The following RNF212 variants were observed in gnomAD, a reference collection of about 807,000 sequenced individuals.
RNF212 encodes the protein probable E3 SUMO-protein ligase RNF212.
A neutral mutation model predicts 34.7 loss-of-function variants in RNF212; 33 were observed. The observed-to-expected ratio is 0.95, with a 90% CI of 0.72 to 1.27. RNF212 has a LOEUF of 1.27. RNF212 is among the 50% of genes most tolerant of loss of function. The probability of loss-of-function intolerance (pLI) is 0.00; values close to 1 mark genes in which losing one functional copy is unlikely to be tolerated. For missense variants in RNF212, 377 were observed against 362.2 expected, an observed-to-expected ratio of 1.04 and a Z score of -0.33; for synonymous variants, 140 against 136.1, an observed-to-expected ratio of 1.03 and a Z score of -0.20.
At chr4:1,093,757 C>T (rs1272568734) in intron 3 of RNF212, 2 of 1,536,080 alleles carry the variant, frequency 1.3e-6, no homozygotes, top group Non-Finnish European at 1.7e-6. Context: ...CCCAAGGGGA[C>T]TTGGTGTGAA....
intron 2 of RNF212, among the ~76,000 whole-genome samples, chr4:1,105,734 T>A (rs1189533175): frequency 1.2e-5 from 1 of 83,478 alleles, no homozygotes. Context: ...GCTGGCATAA[T>A]ATAAAGCGTC....
intron 2 of RNF212, chr4:1,100,958 G>C (rs995208118): frequency 5.6e-6 from 1 of 177,774 alleles, no homozygotes; most frequent in Non-Finnish European, 1.3e-5. Context: ...GGAATTCTGC[G>C]GCTGAAATCA....
chr4:1,088,775 G>A (rs1233197317), intron 4 of RNF212, among the ~76,000 whole-genome samples: 4 of 152,248 alleles, frequency 2.6e-5, no homozygotes, highest in Non-Finnish European at 2.9e-5. Flanking sequence ...TCTGGCTCCA[G>A]CCATGACTAA....
At chr4:1,085,813 T>A in intron 5 of RNF212, 83 bp downstream of exon 5, 1 of 946,890 alleles carries the variant, frequency 1.1e-6, no homozygotes, top group Non-Finnish European at 1.7e-6. Context: ...CATCTTTCAT[T>A]CTTGATCTTG....
intron 4 of RNF212, among the ~76,000 whole-genome samples, chr4:1,087,667 T>C (rs1043609365): frequency 6.6e-6 from 1 of 150,570 alleles, no homozygotes; most frequent in Non-Finnish European, 1.5e-5. Flanking sequence ...ATGGTTTGGC[T>C]GTGTCCCCAC....
At chr4:1,069,607 G>T (rs1244749023), downstream of RNF212, among the ~76,000 whole-genome samples, 1 of 152,200 alleles carries the variant, frequency 6.6e-6, no homozygotes, top group Admixed American at 6.5e-5. Context: ...GAATCAATCA[G>T]GTGACTAAGG....
At chr4:1,082,314 G>A (rs1213477176) in intron 5 of RNF212, among the ~76,000 whole-genome samples, 3 of 152,242 alleles carry the variant, frequency 2.0e-5, no homozygotes, top group East Asian at 1.9e-4. Context: ...GAAGGCTGCT[G>A]CACCTGGGTC....
intron 3 of RNF212, among the ~76,000 whole-genome samples, chr4:1,061,019 C>A (rs6817989): frequency 0.17 from 26,450 of 152,194 alleles, 3,570 homozygotes; most frequent in African/African-American, 0.38. Flanking sequence ...ACCATTCAGG[C>A]CTCTGGAAAT....
At position 1,072,714 on chromosome 4, in the gene RNF212, CA is replaced by C. The variant is rs1295811079; in HGVS notation, c.*159del. ...AATATTGTCTCTAAAATTCAAAGGT[CA>C]AATATAAAATTACAAAGCAAATTGG... On this transcript the variant is annotated 3_prime_UTR_variant, in exon 10 of 10. Coordinates refer to ENST00000433731, the MANE Select transcript of RNF212 (RefSeq NM_001131034.4). 1 of 1,393,934 alleles carries C rather than the reference CA, an allele frequency of 7.2e-7. No homozygotes were observed. The highest frequency in any genetic ancestry group is 9.3e-7 in the Non-Finnish European group (1 of 1,071,190). The allele number at this position is 1,393,934 out of a possible 1,614,324, so 86.3% of individuals were successfully genotyped here.
At chr4:1,097,320 G>A (rs1257063439) in intron 2 of RNF212, among the ~76,000 whole-genome samples, 3 of 152,192 alleles carry the variant, frequency 2.0e-5, no homozygotes, top group Non-Finnish European at 2.9e-5. Context: ...ACAGCGTCTC[G>A]TAGGTCGGGA....
At chr4:1,085,297 C>G (rs973653561) in intron 5 of RNF212, among the ~76,000 whole-genome samples, 1 of 152,202 alleles carries the variant, frequency 6.6e-6, no homozygotes, top group African/African-American at 2.4e-5. Context: ...AGAACAGATG[C>G]AATACGGCAA....
At chr4:1,063,448 T>C (rs1717880003) in intron 3 of RNF212, among the ~76,000 whole-genome samples, 1 of 152,176 alleles carries the variant, frequency 6.6e-6, no homozygotes, top group Admixed American at 6.5e-5. Context: ...CGGTGGCTCA[T>C]GCCTGTAATC....
intron 8 of RNF212, among the ~76,000 whole-genome samples, chr4:1,077,165 T>G (rs1360098168): frequency 6.6e-6 from 1 of 151,962 alleles, no homozygotes; most frequent in African/African-American, 2.4e-5. Context: ...GAGGCGGAGG[T>G]TGCAGTGAGC....
rs183132878 is a variant in RNF212 at position 1,081,653 on chromosome 4, C to A, written c.363-34G>T. Reference sequence around the variant, plus strand: ...ATGGAGAAAAGGTATTGAATTAAATCATAAAAACTGACTTCCCCCCAGGTC... The same window carrying A: ...ATGGAGAAAAGGTATTGAATTAAATAATAAAAACTGACTTCCCCCCAGGTC... On this transcript the variant is annotated intron_variant, in intron 5 of 9. Transcript: ENST00000433731. 2,308 of 1,500,074 alleles carry A rather than the reference C, an allele frequency of 1.5e-3. 3 individuals are homozygous for A. The highest frequency in any genetic ancestry group is 1.9e-3 in the Non-Finnish European group (2,017 of 1,077,344). The allele number at this position is 1,500,074 out of a possible 1,614,324, so 92.9% of individuals were successfully genotyped here.
At chr4:1,056,508 T>C (rs1357129248) in intron 4 of RNF212, 1 of 985,346 alleles carries the variant, frequency 1.0e-6, no homozygotes, top group Non-Finnish European at 1.2e-6. Context: ...TTCACACTGT[T>C]GAGGAAAATG....
chr4:1,105,527 G>A (rs1724679158), intron 2 of RNF212, among the ~76,000 whole-genome samples: 1 of 152,240 alleles, frequency 6.6e-6, no homozygotes. Context: ...AGCGTCAGAG[G>A]GTCACTTTTA....
chr4:1,094,251 G>A (rs1722687231), intron 3 of RNF212, among the ~76,000 whole-genome samples: 2 of 152,182 alleles, frequency 1.3e-5, no homozygotes, highest in African/African-American at 2.4e-5. Flanking sequence ...GAAAGGAAGT[G>A]CAGGGCGGGG....
In RNF212 at chr4:1,075,190, G is replaced by T. The variant is rs375492402; in HGVS notation, c.511-1528C>A. Among the ~76,000 whole-genome samples, 5 of 152,308 alleles carry T rather than the reference G, an allele frequency of 3.3e-5. No individual in the cohort carries two copies. In the South Asian group the frequency reaches 6.2e-4, roughly 19 times the overall value. On this transcript the variant is annotated intron_variant, in intron 8 of 9. Transcript: ENST00000433731. ...GGAGGGGCTGTGTACGCATCGGTGT[G>T]TTCACATCTGCATTTGGCTGCCTAC...
chr4:1,081,596 G>A lies in RNF212; in HGVS notation c.386C>T (p.Ala129Val), dbSNP rs1325157222. The change falls in exon 6 of 10, where the codon GCT becomes GTT. Residue 129 changes from alanine to valine, a missense_variant. Coordinates refer to ENST00000433731, the MANE Select transcript of RNF212 (RefSeq NM_001131034.4). ...LQSMRSSQQT[A>V]FSTIKSSVST... ...AACTGAACTTTTTATTGTGCTGAAA[G>A]CTGTTTGTTGTGATGATCTCATACT... is the stretch of plus-strand genomic sequence containing the variant. 6.8e-6 allele frequency: 11 copies of A among 1,610,896 alleles called. No individual in the cohort carries two copies. The highest frequency in any genetic ancestry group is 1.1e-5 in the South Asian group (1 of 91,012).
Sources: allele counts gnomAD v4.1 joint callset (sites outside exome capture counted in the v4.1 genomes callset), GRCh38; gene constraint gnomAD v4.1.1; transcripts MANE v1.5; gene names NCBI Gene and HGNC (gene_info 2026-07-23, HGNC 2026-07-21).